RBM6: variants seen among roughly 807,000 people sequenced by gnomAD.
RBM6 encodes RNA binding motif protein 6.
RBM6 carries 23 observed loss-of-function variants against 140.4 expected under a neutral mutation model. That is an observed-to-expected ratio of 0.16 (90% CI 0.12 to 0.23). RBM6 has a LOEUF of 0.23. RBM6 is among the 10% of genes least tolerant of loss of function. The pLI is 1.00. For missense variants in RBM6, 1,139 were observed against 1,386.7 expected (o/e 0.82, Z 2.84); for synonymous variants, 439 against 475.6 (o/e 0.92, Z 1.00).
chr3:50,038,808 A>G (rs2088697055), intron 6 of RBM6, among the ~76,000 whole-genome samples: 1 of 152,126 alleles, frequency 6.6e-6, no homozygotes, highest in African/African-American at 2.4e-5. Context: ...ACTCCAGCCT[A>G]GGCAACAGAG....
At chr3:50,015,944 T>C (rs2087120264) in intron 6 of RBM6, among the ~76,000 whole-genome samples, 1 of 152,224 alleles carries the variant, frequency 6.6e-6, no homozygotes, top group Non-Finnish European at 1.5e-5. Flanking sequence ...AGTGAGAACA[T>C]TTAAAATCTC....
rs1327733691 is a variant in RBM6 at position 50,066,268 on chromosome 3, C to T, written c.2709C>T (p.Gly903=). The change falls in exon 17 of 21, where the codon GGC becomes GGT. Residue 903 remains glycine, a synonymous_variant. Coordinates refer to ENST00000266022, the MANE Select transcript of RBM6 (RefSeq NM_005777.3). ...PPPKVVNPLI[G]LLGEYGGDSD... is the part of the protein sequence containing the mutation. The stretch of plus-strand genomic sequence containing the variant: ...CTAAAGTGGTAAACCCACTGATCGG[C>T]CTCTTGGGTGAATATGGAGGAGACA... 2 of 1,614,098 alleles carry T rather than the reference C, an allele frequency of 1.2e-6. No individual in the cohort carries two copies. Among genetic ancestry groups the T allele is most frequent in the Admixed American group, 1.7e-5 (1 of 60,008 alleles).
At chr3:49,995,266 T>TA (rs34447528) in intron 5 of RBM6, among the ~76,000 whole-genome samples, 1 of 151,424 alleles carries the variant, frequency 6.6e-6, no homozygotes, top group Admixed American at 6.6e-5. Context: ...CTCATTTGCC[T>TA]AAAAAAAAAT....
chr3:50,024,305 C>T (rs953717358), intron 6 of RBM6, among the ~76,000 whole-genome samples: 1 of 152,136 alleles, frequency 6.6e-6, no homozygotes, highest in Non-Finnish European at 1.5e-5. Flanking sequence ...GATATCATGT[C>T]GTAAGTGTAT....
intron 6 of RBM6, among the ~76,000 whole-genome samples, chr3:50,031,891 T>C (rs2088188703): frequency 6.6e-6 from 1 of 152,232 alleles, no homozygotes; most frequent in South Asian, 2.1e-4. Flanking sequence ...ATGGATACTC[T>C]ATTCCCCATG....
chr3:49,955,839 T>C (rs1468690343), intron 1 of RBM6, among the ~76,000 whole-genome samples: 3 of 142,152 alleles, frequency 2.1e-5, no homozygotes, highest in Non-Finnish European at 4.7e-5. Flanking sequence ...TCTCTCTCTC[T>C]CTGTGTCTCT....
intron 6 of RBM6, among the ~76,000 whole-genome samples, chr3:50,019,199 C>T (rs2087350861): frequency 6.6e-6 from 1 of 151,972 alleles, no homozygotes; most frequent in Non-Finnish European, 1.5e-5. Context: ...CCACACCCAG[C>T]TAATTTTTGT....
intron 1 of RBM6, among the ~76,000 whole-genome samples, chr3:49,942,819 C>G (rs2108559990): frequency 6.6e-6 from 1 of 152,186 alleles, no homozygotes; most frequent in South Asian, 2.1e-4. Context: ...TGAGGTCATG[C>G]CATTGCACTT....
chr3:50,012,646 C>T (rs373163746), intron 6 of RBM6, among the ~76,000 whole-genome samples: 2 of 151,972 alleles, frequency 1.3e-5, no homozygotes, highest in Non-Finnish European at 2.9e-5. Context: ...CGTGAGCCAC[C>T]GTGCCTGGCC....
intron 6 of RBM6, among the ~76,000 whole-genome samples, chr3:50,047,618 TACC>T (rs2089282493): frequency 6.6e-6 from 1 of 152,160 alleles, no homozygotes. Flanking sequence ...GCCAGAGTGA[TACC>T]GCCGCCGCCG....
chr3:49,963,134 AG>A (rs2108620290), intron 2 of RBM6: 1 of 152,398 alleles, frequency 6.6e-6, no homozygotes, highest in Non-Finnish European at 1.5e-5. Flanking sequence ...AGAAAAAAAA[AG>A]AAAAATAGAA....
intron 1 of RBM6, among the ~76,000 whole-genome samples, chr3:49,958,001 T>G (rs1261936677): frequency 3.3e-5 from 5 of 152,282 alleles, no homozygotes; most frequent in South Asian, 2.1e-4. Context: ...GTGGCTGATT[T>G]TTGTATTTTT....
At chr3:49,974,158 A>G (rs1344796083) in intron 4 of RBM6, among the ~76,000 whole-genome samples, 3 of 151,816 alleles carry the variant, frequency 2.0e-5, no homozygotes, top group Non-Finnish European at 2.9e-5. Flanking sequence ...CGGCCTCCCA[A>G]AGTGCTAGGA....
intron 8 of RBM6, 54 bp from the exon 9 acceptor site, chr3:50,057,674 T>A: frequency 7.0e-7 from 1 of 1,430,842 alleles, no homozygotes; most frequent in African/African-American, 1.4e-5. Flanking sequence ...TTTTTTCTTT[T>A]TTTTTTTTTT....
At chr3:50,023,526 T>C (rs2087627865) in intron 6 of RBM6, among the ~76,000 whole-genome samples, 1 of 152,074 alleles carries the variant, frequency 6.6e-6, no homozygotes, top group Non-Finnish European at 1.5e-5. Flanking sequence ...CATTAAGTAG[T>C]GACCGCAGTC....
chr3:49,947,853 G>C (rs899855819), intron 1 of RBM6, among the ~76,000 whole-genome samples: 1 of 152,136 alleles, frequency 6.6e-6, no homozygotes, highest in Non-Finnish European at 1.5e-5. Flanking sequence ...CCATTGGATG[G>C]TCTTGACACC....
At chr3:49,979,382 C>G (rs905283602) in intron 5 of RBM6, among the ~76,000 whole-genome samples, 1 of 151,202 alleles carries the variant, frequency 6.6e-6, no homozygotes. Context: ...ACTTAATGCT[C>G]CTGAATTGTA....
At position 50,073,838 on chromosome 3, in the gene RBM6, C is replaced by T. The variant is rs545449447; in HGVS notation, c.3117-1363C>T. On this transcript the variant is annotated intron_variant, in intron 19 of 20. Transcript: ENST00000266022. ...TTCAAGGTTTTTTACAGTCTGACCC[C>T]ATGCAGCCTTTTTTTTTTTTCCTTT... Among the ~76,000 whole-genome samples the T allele has an allele frequency of 5.9e-3, 843 of 141,964 alleles. 3 individuals are homozygous for T. The highest frequency in any genetic ancestry group is 7.6e-3 in the Non-Finnish European group (506 of 66,564). 93.1% of individuals were successfully genotyped at this position (141,964 alleles called of 152,430 possible). A position where few individuals can be genotyped will look rare whatever the true frequency, so the allele number is the denominator to read the frequency against.
Position 50,037,465 on chromosome 3 carries a change from G to T in RBM6, c.1558-10780G>T, listed in dbSNP as rs78911879. ...ATATTAGTTGAACAGTATGTATTCA[G>T]AAGTCCAGAGGCTCTGTATTTTATT... On this transcript the variant is annotated intron_variant, in intron 6 of 20. Transcript: ENST00000266022. 2.6e-3 allele frequency among the ~76,000 whole-genome samples: 402 copies of T among 152,206 alleles called. 1 individual carries two copies. The highest frequency in any genetic ancestry group is 9.4e-3 in the African/African-American group (390 of 41,532).
Sources: gnomAD v4.1 joint callset for allele counts (sites outside exome capture counted in the v4.1 genomes callset) on GRCh38, gnomAD v4.1.1 for gene constraint, MANE v1.5 for transcripts, NCBI Gene and HGNC (gene_info 2026-07-23, HGNC 2026-07-21) for gene names.